Variants in RB1CC1 observed in about 807,000 individuals in gnomAD.
RB1CC1 encodes RB1-inducible coiled-coil protein 1.
Under a neutral mutation model 177.5 loss-of-function variants are expected in RB1CC1, and 46 were observed. The observed-to-expected ratio is 0.26, with a 90% CI of 0.20 to 0.33. RB1CC1 has a LOEUF of 0.33. Ranked by LOEUF, RB1CC1 falls within the 10% of genes least tolerant of loss-of-function variation. The pLI is 1.00. For synonymous variants in RB1CC1, 666 were observed against 613.6 expected (o/e 1.09, Z -1.26); for missense variants, 1,703 against 1,816.3 (o/e 0.94, Z 1.13).
intron 8 of RB1CC1, among the ~76,000 whole-genome samples, chr8:52,667,612 A>C (rs1200955110): frequency 6.6e-6 from 1 of 152,192 alleles, no homozygotes; most frequent in Non-Finnish European, 1.5e-5. Context: ...TATGGCATTA[A>C]ATCAGATCTA....
In RB1CC1 at chr8:52,656,635, G is replaced by T; in HGVS notation, c.3194C>A (p.Ala1065Glu). 1 of 1,613,712 alleles carries T rather than the reference G, an allele frequency of 6.2e-7. No homozygotes were observed. The highest frequency in any genetic ancestry group is 8.5e-7 in the Non-Finnish European group (1 of 1,179,876). ...DTRCKLEVEL[A>E]LKEAETDEIK... is the part of the protein sequence containing the mutation. ...TTCATCAGTTTCTGCTTCCTTCAAC[G>T]CAAGTTCAACCTCTAACTTGCATCT... Residue 1065 changes from alanine (A) to glutamate (E), a missense_variant, in exon 15 of 24, where the codon GCG (alanine) becomes GAG (glutamate). Ala to Glu is a moderately radical substitution (Grantham distance 107). This residue lies in a region of RB1CC1 where 1,169 missense variants were observed against 1,184.7 expected (regional missense o/e 0.99). Transcript: ENST00000025008.
rs377279942 is a variant in RB1CC1 at position 52,630,457 on chromosome 8, C to G, written c.4499+13G>C. The G allele has an allele frequency of 2.9e-5, 45 of 1,564,758 alleles. No individual in the cohort carries two copies. The highest frequency in any genetic ancestry group is 3.6e-5 in the Non-Finnish European group (42 of 1,160,106). On this transcript the variant is annotated intron_variant, in intron 21 of 23. Transcript: ENST00000025008. Reference sequence around the variant, plus strand: ...TTTTCACAGAAAAATACTCACAAAACTAAAATACTTACTCTCTAATAGCTA... The same window carrying G: ...TTTTCACAGAAAAATACTCACAAAAGTAAAATACTTACTCTCTAATAGCTA...
intron 1 of RB1CC1, among the ~76,000 whole-genome samples, chr8:52,699,936 T>A (rs1020117553): frequency 6.8e-6 from 1 of 146,932 alleles, no homozygotes; most frequent in Non-Finnish European, 1.5e-5. Flanking sequence ...AATGTCTGAA[T>A]GATGCCAGGA....
At chr8:52,634,200 C>T (rs996140101) in intron 20 of RB1CC1, among the ~76,000 whole-genome samples, 3 of 151,958 alleles carry the variant, frequency 2.0e-5, no homozygotes, top group Non-Finnish European at 2.9e-5. Context: ...GATCTCTTGC[C>T]TTTCAGGCAC....
rs1487238209 is a variant in RB1CC1, at chr8:52,623,724, A to C, written c.*58T>G. 2 of 1,233,782 alleles carry C rather than the reference A, an allele frequency of 1.6e-6. No individual in the cohort carries two copies. The highest frequency in any genetic ancestry group is 2.4e-5 in the South Asian group (2 of 82,110). The allele number at this position is 1,233,782 out of a possible 1,614,324, so 76.4% of individuals were successfully genotyped here. A position where few individuals can be genotyped will look rare whatever the true frequency, so the allele number is the denominator to read the frequency against. ...CCTGCTGTTTTTGGAGTGATGAATG[A>C]GCACTGCAGGACAAATCAGAAAAAA... On this transcript the variant is annotated 3_prime_UTR_variant, in exon 24 of 24. Transcript: ENST00000025008.
intron 1 of RB1CC1, among the ~76,000 whole-genome samples, chr8:52,704,996 GAC>G (rs1280181611): frequency 1.3e-5 from 2 of 152,090 alleles, no homozygotes; most frequent in Non-Finnish European, 2.9e-5. Flanking sequence ...CTCAACAACT[GAC>G]ACAAGATTTT....
intron 15 of RB1CC1, among the ~76,000 whole-genome samples, chr8:52,650,059 A>C (rs1396916477): frequency 6.6e-6 from 1 of 152,158 alleles, no homozygotes; most frequent in East Asian, 1.9e-4. Context: ...TGGGAGCTAC[A>C]GACATAGCTA....
chr8:52,701,667 A>G (rs1369941853), intron 1 of RB1CC1, among the ~76,000 whole-genome samples: 1 of 152,056 alleles, frequency 6.6e-6, no homozygotes, highest in Non-Finnish European at 1.5e-5. Flanking sequence ...TGCTGGGATT[A>G]CAGGTGTGAC....
In RB1CC1 at chr8:52,674,065, G is replaced by A. The variant is rs1563419472; in HGVS notation, c.782C>T (p.Ser261Leu). Residue 261 changes from serine (S) to leucine (L), a missense_variant, in exon 7 of 24, where the codon TCA (serine) becomes TTA (leucine). This residue lies in a region of RB1CC1 where 315 missense variants were observed against 304.9 expected (regional missense o/e 1.03). Transcript: ENST00000025008. ...NESLLTSFPKSVEHVSPDTAD... is the reference protein window; with the variant it reads ...NESLLTSFPKLVEHVSPDTAD... ...GGTATCTGGGGACACATGTTCCACT[G>A]ACTTGGGAAATGAGGTTAACAAAGA... The A allele has an allele frequency of 1.2e-6, 2 of 1,614,124 alleles. No homozygotes were observed. The highest frequency in any genetic ancestry group is 1.7e-6 in the Non-Finnish European group (2 of 1,179,994).
At chr8:52,690,542 T>C (rs1165395710) in intron 1 of RB1CC1, among the ~76,000 whole-genome samples, 1 of 152,188 alleles carries the variant, frequency 6.6e-6, no homozygotes, top group African/African-American at 2.4e-5. Context: ...AGGAGGCCTC[T>C]ACGTGGGTTA....
chr8:52,667,643 G>T (rs1168554566), intron 8 of RB1CC1, among the ~76,000 whole-genome samples: 3 of 152,108 alleles, frequency 2.0e-5, no homozygotes, highest in African/African-American at 7.2e-5. Context: ...ATTACTATTA[G>T]AAGTATTAGT....
In RB1CC1 at chr8:52,658,132, A is replaced by G. The variant is rs772153699; in HGVS notation, c.1794-8T>C. 1.2e-6 allele frequency: 2 copies of G among 1,607,944 alleles called. No individual in the cohort carries two copies. Among genetic ancestry groups the G allele is most frequent in the South Asian group, 1.1e-5 (1 of 89,616 alleles). On this transcript the variant is annotated splice_region_variant and splice_polypyrimidine_tract_variant and intron_variant, in intron 13 of 23. Coordinates refer to ENST00000025008, the MANE Select transcript of RB1CC1 (RefSeq NM_014781.5). ...TCACAAAGTAAGGGAACCCTGAAAC[A>G]GAATGCAATGCAATTAGACTTCTGA... is the stretch of plus-strand genomic sequence containing the variant.
At chr8:52,627,830 A>G (rs117226112) in intron 22 of RB1CC1, among the ~76,000 whole-genome samples, 2,735 of 152,302 alleles carry the variant, frequency 0.018, 44 homozygotes, top group Non-Finnish European at 0.028. Context: ...GGTCCCTTGT[A>G]TAAGCTACAC....
chr8:52,633,617 C>A (rs1482605996), intron 20 of RB1CC1, among the ~76,000 whole-genome samples: 1 of 152,156 alleles, frequency 6.6e-6, no homozygotes, highest in Non-Finnish European at 1.5e-5. Flanking sequence ...AAAAGTATTT[C>A]AAAACTTTTC....
At position 52,657,408 on chromosome 8, in the gene RB1CC1, G is replaced by A; in HGVS notation, c.2421C>T (p.Asp807=). 6.2e-7 allele frequency: 1 copy of A among 1,613,942 alleles called. No homozygotes were observed. The highest frequency in any genetic ancestry group is 8.5e-7 in the Non-Finnish European group (1 of 1,179,990). ...TAATGGTTTGTATACTGAAGTGAGA[G>A]TCTTGGGCAACAACTCTACATCTTT... ...QLERCRVVAQ[D]SHFSIQTIKE... is the part of the protein sequence containing the mutation. The change falls in exon 15 of 24, where the codon GAC becomes GAT. Residue 807 remains aspartate (D), a synonymous_variant. Coordinates refer to ENST00000025008, the MANE Select transcript of RB1CC1 (RefSeq NM_014781.5).
intron 1 of RB1CC1, among the ~76,000 whole-genome samples, chr8:52,708,790 T>C (rs1458975778): frequency 2.0e-5 from 3 of 152,164 alleles, no homozygotes; most frequent in African/African-American, 7.2e-5. Context: ...TAAAAAATAT[T>C]GATCCGACAG....
intron 1 of RB1CC1, among the ~76,000 whole-genome samples, chr8:52,699,082 G>C (rs188654894): frequency 7.9e-5 from 12 of 152,226 alleles, no homozygotes; most frequent in Admixed American, 2.0e-4. Context: ...CAATTAACAA[G>C]TGTCTGTAGG....
At chr8:52,711,477 T>C (rs923066604) in intron 1 of RB1CC1, among the ~76,000 whole-genome samples, 3 of 152,230 alleles carry the variant, frequency 2.0e-5, no homozygotes, top group Non-Finnish European at 4.4e-5. Flanking sequence ...CTCAAAGTAA[T>C]CTGCGTTTGT....
At chr8:52,678,204 G>A (rs928650957) in intron 5 of RB1CC1, among the ~76,000 whole-genome samples, 1 of 152,032 alleles carries the variant, frequency 6.6e-6, no homozygotes, top group East Asian at 1.9e-4. Flanking sequence ...GATCACCTGC[G>A]GTCAGGAGTT....
Sources: gnomAD v4.1 joint callset for allele counts (sites outside exome capture counted in the v4.1 genomes callset) on GRCh38, gnomAD v4.1.1 for gene constraint, gnomAD v4.1.1 regional missense constraint, MANE v1.5 for transcripts, NCBI Gene and HGNC (gene_info 2026-07-23, HGNC 2026-07-21) for gene names.